Variants in CDH8 observed in about 807,000 individuals in gnomAD.
CDH8 encodes cadherin 8.
A neutral mutation model predicts 68.1 loss-of-function variants in CDH8; 17 were observed. The ratio of observed to expected loss-of-function variants is 0.25; its 90% confidence interval spans 0.17 to 0.37. The LOEUF (loss-of-function observed/expected upper bound fraction) is 0.37. CDH8 is among the 10% of genes least tolerant of loss of function. The pLI is 1.00. For missense variants in CDH8, 763 were observed against 999.3 expected, an observed-to-expected ratio of 0.76 and a Z score of 3.19; for synonymous variants, 372 against 365.1, an observed-to-expected ratio of 1.02 and a Z score of -0.21.
At chr16:61,922,791 T>C (rs1279893880) in intron 2 of CDH8, among the ~76,000 whole-genome samples, 1 of 152,212 alleles carries the variant, frequency 6.6e-6, no homozygotes, top group Non-Finnish European at 1.5e-5. Context: ...CAGGCAATGA[T>C]ATAAATGTCT....
chr16:61,665,800 C>CTTCCTTCCT (rs1347041040), intron 10 of CDH8, among the ~76,000 whole-genome samples: 1 of 137,546 alleles, frequency 7.3e-6, no homozygotes, highest in Non-Finnish European at 1.6e-5. Flanking sequence ...TCCTTCCTTC[C>CTTCCTTCCT]TTCCTTTCCC....
At chr16:61,852,897 T>TCCTTTCTTCCTTC (rs149266274) in intron 4 of CDH8, among the ~76,000 whole-genome samples, 5 of 121,246 alleles carry the variant, frequency 4.1e-5, no homozygotes, top group East Asian at 2.3e-4. Context: ...TTCCTTCCAT[T>TCCTTTCTTCCTTC]CTTCCTTCCT....
chr16:61,991,025 C>G (rs183082632), intron 2 of CDH8, among the ~76,000 whole-genome samples: 2,174 of 152,042 alleles, frequency 0.014, 23 homozygotes, highest in Non-Finnish European at 0.025. Flanking sequence ...GAGAAGGGAG[C>G]TGAGAGTGTC....
chr16:61,871,308 G>A (rs1326619920), intron 3 of CDH8, among the ~76,000 whole-genome samples: 2 of 151,006 alleles, frequency 1.3e-5, no homozygotes, highest in African/African-American at 2.4e-5. Flanking sequence ...AGCCTCCCAA[G>A]TAGCTAGGAT....
At chr16:61,918,191 T>TAAAAAA (rs1964280438) in intron 2 of CDH8, 1 of 152,120 alleles carries the variant, frequency 6.6e-6, no homozygotes, top group Admixed American at 6.5e-5. Flanking sequence ...CTCTCAGCCC[T>TAAAAAA]ATGTACTTAT....
rs1047189836 is a variant in CDH8, at chr16:61,817,358, CATT to C, written c.1277+118_1277+120del. 11 of 895,700 alleles carry C rather than the reference CATT, an allele frequency of 1.2e-5. No homozygotes were observed. The African/African-American group carries it at 1.3e-4, about 11-fold the overall frequency. The allele number at this position is 895,700 out of a possible 1,614,324, so 55.5% of individuals were successfully genotyped here. On this transcript the variant is annotated intron_variant, in intron 7 of 11. Coordinates refer to ENST00000577390, the MANE Select transcript of CDH8 (RefSeq NM_001796.5). Reference sequence around the variant, plus strand: ...CACACACACAGTATGTGCCAACCAACATTATTTGGTCATGTGAGCATAGTCCCA... The same window carrying C: ...CACACACACAGTATGTGCCAACCAACATTTGGTCATGTGAGCATAGTCCCA...
chr16:61,900,697 G>A (rs893510045), intron 3 of CDH8, among the ~76,000 whole-genome samples: 4 of 152,144 alleles, frequency 2.6e-5, no homozygotes, highest in Admixed American at 6.6e-5. Context: ...TGGTAATGTC[G>A]ATTGCCTAAT....
At position 61,899,831 on chromosome 16, in the gene CDH8, G is replaced by GACACACACACACACAC. The variant is rs35171683; in HGVS notation, c.547+1332_547+1347dup. ...TAATTTCCATCAGGAATGTTATAAA[G>GACACACACACACACAC]ACACACACACACACACACACACACA... On this transcript the variant is annotated intron_variant, in intron 3 of 11. Coordinates refer to ENST00000577390, the MANE Select transcript of CDH8 (RefSeq NM_001796.5). Among the ~76,000 whole-genome samples the GACACACACACACACAC allele has an allele frequency of 9.4e-3, 1,381 of 147,306 alleles. 13 individuals carry two copies. Among genetic ancestry groups the GACACACACACACACAC allele is most frequent in the South Asian group, 0.016 (71 of 4,498 alleles).
At chr16:61,661,952 T>C (rs1346677578) in intron 10 of CDH8, among the ~76,000 whole-genome samples, 1 of 151,620 alleles carries the variant, frequency 6.6e-6, no homozygotes, top group East Asian at 1.9e-4. Flanking sequence ...CTTTACTTTG[T>C]TTCTGATTTT....
At chr16:61,907,160 A>G (rs1354444413) in intron 2 of CDH8, among the ~76,000 whole-genome samples, 1 of 152,172 alleles carries the variant, frequency 6.6e-6, no homozygotes, top group Non-Finnish European at 1.5e-5. Context: ...AAGAGTAGAA[A>G]AATACTCCTT....
chr16:62,035,282 AAAGC>A, intron 1 of CDH8: 1 of 152,232 alleles, frequency 6.6e-6, no homozygotes, highest in Non-Finnish European at 1.5e-5. Context: ...CAGACCACAG[AAAGC>A]GCAGGTCTGG....
intron 10 of CDH8, among the ~76,000 whole-genome samples, chr16:61,688,865 G>GAA (rs1489005375): frequency 2.0e-5 from 3 of 151,960 alleles, no homozygotes; most frequent in African/African-American, 7.2e-5. Context: ...AAAAAATCTC[G>GAA]AAGTCATTGT....
At chr16:61,872,445 A>G (rs531562889) in intron 3 of CDH8, among the ~76,000 whole-genome samples, 6 of 152,306 alleles carry the variant, frequency 3.9e-5, no homozygotes, top group African/African-American at 9.6e-5. Flanking sequence ...CTTCTAGGTC[A>G]TAGGTAGATT....
chr16:61,665,458 A>G (rs1365225416), intron 10 of CDH8, among the ~76,000 whole-genome samples: 2 of 151,962 alleles, frequency 1.3e-5, no homozygotes, highest in Non-Finnish European at 2.9e-5. Flanking sequence ...AACAATGAGA[A>G]CACATGGACA....
At chr16:61,884,616 C>T (rs377149443) in intron 3 of CDH8, among the ~76,000 whole-genome samples, 13 of 152,138 alleles carry the variant, frequency 8.5e-5, no homozygotes, top group East Asian at 7.8e-4. Flanking sequence ...TCAGGTGATC[C>T]GCCCGCCTCA....
At chr16:61,830,711 C>T (rs1267293478) in intron 4 of CDH8, among the ~76,000 whole-genome samples, 3 of 151,718 alleles carry the variant, frequency 2.0e-5, no homozygotes, top group South Asian at 4.2e-4. Flanking sequence ...ACCGGTGCGG[C>T]GACAAGTTAG....
chr16:61,992,497 C>T (rs1259597068), intron 2 of CDH8, among the ~76,000 whole-genome samples: 3 of 149,940 alleles, frequency 2.0e-5, no homozygotes, highest in Non-Finnish European at 3.0e-5. Context: ...TGCTAAATGA[C>T]GAGTTAATGG....
At chr16:61,757,521 A>G (rs1960353235) in intron 8 of CDH8, among the ~76,000 whole-genome samples, 1 of 152,218 alleles carries the variant, frequency 6.6e-6, no homozygotes, top group Non-Finnish European at 1.5e-5. Flanking sequence ...ATTCTATGAA[A>G]TACCTTTCAC....
intron 1 of CDH8, among the ~76,000 whole-genome samples, chr16:62,024,002 G>A (rs1902136551): frequency 6.6e-6 from 1 of 152,058 alleles, no homozygotes; most frequent in African/African-American, 2.4e-5. Context: ...ACCATGCCTG[G>A]CTAATTTTAT....
Sources: gnomAD v4.1 joint callset for allele counts (sites outside exome capture counted in the v4.1 genomes callset) on GRCh38, gnomAD v4.1.1 for gene constraint, MANE v1.5 for transcripts, NCBI Gene and HGNC (gene_info 2026-07-23, HGNC 2026-07-21) for gene names.